GRB2: variants seen among roughly 807,000 people sequenced by gnomAD.
GRB2 encodes growth factor receptor-bound protein 2.
GRB2 carries 2 observed loss-of-function variants against 27.4 expected under a neutral mutation model. The observed-to-expected ratio is 0.07, with a 90% confidence interval of 0.03 to 0.23. The LOEUF (loss-of-function observed/expected upper bound fraction) is 0.23, where lower values mean the gene tolerates loss of function less well. GRB2 is among the 10% of genes least tolerant of loss of function. The pLI is 1.00. For missense variants in GRB2, 102 were observed against 282.4 expected (o/e 0.36, Z 4.58); for synonymous variants, 94 against 99.6 (o/e 0.94, Z 0.33).
chr17:75,320,326 T>C lies in GRB2; in HGVS notation c.*42A>G. The stretch of plus-strand genomic sequence containing the variant: ...TGTGGGTTTAATTCTTTTGTATGTG[T>C]TTTACATTTTTCACTTTCTTTAAAT... On this transcript the variant is annotated 3_prime_UTR_variant, in exon 6 of 6. Transcript: ENST00000316804. The surrounding 1 kb of genome is among the most constrained non-coding windows in gnomAD (Gnocchi z 4.3). The C allele has an allele frequency of 6.5e-7, 1 of 1,543,162 alleles. No homozygotes were observed. Among genetic ancestry groups the C allele is most frequent in the Middle Eastern group, 1.7e-4 (1 of 5,922 alleles).
chr17:75,359,620 T>C (rs541321392), intron 2 of GRB2, among the ~76,000 whole-genome samples: 2 of 152,204 alleles, frequency 1.3e-5, no homozygotes, highest in South Asian at 4.1e-4. Flanking sequence ...AATCTCCACC[T>C]GCCAGTCCCT....
intron 2 of GRB2, chr17:75,338,936 GA>G: frequency 1.8e-6 from 2 of 1,103,366 alleles, no homozygotes; most frequent in Admixed American, 1.7e-5. Context: ...TATGCCCAGG[GA>G]AAGCGGCGTT....
intron 2 of GRB2, among the ~76,000 whole-genome samples, chr17:75,348,964 C>A (rs1393939278): frequency 6.6e-6 from 1 of 152,236 alleles, no homozygotes; most frequent in Non-Finnish European, 1.5e-5. Flanking sequence ...GCATGAGCCA[C>A]TGCGCCCAAC....
intron 2 of GRB2, among the ~76,000 whole-genome samples, chr17:75,337,871 T>TTAG (rs2078589090): frequency 8.5e-6 from 1 of 117,630 alleles, no homozygotes; most frequent in African/African-American, 3.2e-5. Context: ...CGGCCTACTA[T>TTAG]TACTACTACT....
chr17:75,347,511 C>A (rs1489826597), intron 2 of GRB2, among the ~76,000 whole-genome samples: 4 of 152,170 alleles, frequency 2.6e-5, no homozygotes, highest in Non-Finnish European at 5.9e-5. Context: ...AGCCCCCACC[C>A]AGCCACACTG....
At position 75,393,636 on chromosome 17, in the gene GRB2, G is replaced by C. The variant is rs368319299; in HGVS notation, c.-8C>G. On this transcript the variant is annotated 5_prime_UTR_variant, in exon 2 of 6. Transcript: ENST00000316804. The stretch of plus-strand genomic sequence containing the variant: ...TTTGGCGATGGCTTCCATTCTGAGC[G>C]CTGCTCAGTGCTCAGCAGCCTGAAG... 5.0e-6 allele frequency: 8 copies of C among 1,608,356 alleles called. No individual in the cohort carries two copies. The African/African-American group carries it at 9.4e-5, about 19-fold the overall frequency.
intron 3 of GRB2, among the ~76,000 whole-genome samples, chr17:75,331,691 G>C (rs539388645): frequency 5.2e-4 from 79 of 152,202 alleles, no homozygotes; most frequent in African/African-American, 1.9e-3. Context: ...ATTTCTACTC[G>C]ATTGTTAAAA....
chr17:75,330,276 G>A (rs866931248), intron 3 of GRB2, among the ~76,000 whole-genome samples: 3 of 151,968 alleles, frequency 2.0e-5, no homozygotes, highest in African/African-American at 7.3e-5. Flanking sequence ...CAGCTACTCA[G>A]GAGGTGGAGG....
chr17:75,334,453 G>A (rs556358103), intron 2 of GRB2, among the ~76,000 whole-genome samples: 164 of 152,200 alleles, frequency 1.1e-3, no homozygotes, highest in African/African-American at 3.8e-3. Flanking sequence ...TTACAGGCAC[G>A]AGCCACCGTG....
At chr17:75,402,440 A>T (rs1340007773) in intron 1 of GRB2, among the ~76,000 whole-genome samples, 1 of 152,240 alleles carries the variant, frequency 6.6e-6, no homozygotes, top group East Asian at 1.9e-4. Flanking sequence ...ATAGTCACTC[A>T]TTCCATTAGG....
intron 2 of GRB2, among the ~76,000 whole-genome samples, chr17:75,358,700 TAAAAAAAAAAAAA>T (rs71159497): frequency 1.5e-5 from 1 of 66,284 alleles, no homozygotes; most frequent in Non-Finnish European, 3.0e-5. Context: ...CCATCTCTAC[TAAAAAAAAAAAAA>T]AAAAAAAAAA....
intron 2 of GRB2, among the ~76,000 whole-genome samples, chr17:75,336,029 G>A (rs534869014): frequency 2.0e-5 from 3 of 152,322 alleles, no homozygotes; most frequent in East Asian, 3.9e-4. Context: ...ACCTGCCCCT[G>A]TACTGGCAGC....
intron 1 of GRB2, among the ~76,000 whole-genome samples, chr17:75,394,578 T>C (rs1307657243): frequency 6.6e-6 from 1 of 152,116 alleles, no homozygotes; most frequent in Non-Finnish European, 1.5e-5. Flanking sequence ...GGCTCAGCAC[T>C]CCAGAAATAG....
At chr17:75,324,366 ATTTTTTTTTT>A (rs1156329058) in intron 4 of GRB2, among the ~76,000 whole-genome samples, 1 of 93,630 alleles carries the variant, frequency 1.1e-5, no homozygotes, top group South Asian at 3.6e-4. Context: ...CCATTTTTGT[ATTTTTTTTTT>A]TTTTTTTTTT....
chr17:75,349,533 CAG>C (rs2078676087), intron 2 of GRB2, among the ~76,000 whole-genome samples: 1 of 105,266 alleles, frequency 9.5e-6, no homozygotes, highest in Admixed American at 1.3e-4. Context: ...TTTTTTGAGA[CAG>C]AGTCTTACTC....
At chr17:75,322,955 T>C (rs1490909160) in intron 4 of GRB2, among the ~76,000 whole-genome samples, 1 of 151,616 alleles carries the variant, frequency 6.6e-6, no homozygotes, top group African/African-American at 2.4e-5. Context: ...CCGTCTCTAC[T>C]AAAAATACAA....
intron 2 of GRB2, among the ~76,000 whole-genome samples, chr17:75,352,046 G>A (rs1260042129): frequency 6.6e-6 from 1 of 152,320 alleles, no homozygotes; most frequent in East Asian, 1.9e-4. Flanking sequence ...TGGAATCGGA[G>A]ACAAATATAA....
At chr17:75,332,670 C>T (rs1016935400) in intron 3 of GRB2, 30 bp downstream of exon 3, 7 of 1,323,000 alleles carry the variant, frequency 5.3e-6, no homozygotes, top group Admixed American at 1.7e-5. Context: ...GTGGGTCCAA[C>T]CCTTCCAAGA....
chr17:75,330,091 G>T (rs1476199325), intron 3 of GRB2, among the ~76,000 whole-genome samples: 1 of 151,920 alleles, frequency 6.6e-6, no homozygotes. Context: ...TCTTTAAAAA[G>T]ATGGGCTTTG....
Sources: gnomAD v4.1 joint callset for allele counts (sites outside exome capture counted in the v4.1 genomes callset) on GRCh38, gnomAD v4.1.1 for gene constraint, Gnocchi (gnomAD v3.1) non-coding constraint, MANE v1.5 for transcripts, NCBI Gene and HGNC (gene_info 2026-07-23, HGNC 2026-07-21) for gene names.